The following ATP2B3 variants were observed in gnomAD, a reference collection of about 807,000 sequenced individuals.
The protein encoded by ATP2B3 is plasma membrane calcium-transporting ATPase 3.
ATP2B3 carries 12 observed loss-of-function variants against 70.8 expected under a neutral mutation model. The observed-to-expected ratio is 0.17, with a 90% CI of 0.11 to 0.27. ATP2B3 has a LOEUF of 0.27. ATP2B3 is among the 10% of genes least tolerant of loss of function. The pLI is 1.00. For synonymous variants in ATP2B3, 460 were observed against 497.8 expected, an observed-to-expected ratio of 0.92 and a Z score of 1.01; for missense variants, 858 against 1,118.5, an observed-to-expected ratio of 0.77 and a Z score of 3.32.
In ATP2B3 at chrX:153,517,843, C is replaced by G. The variant is rs1397764208; in HGVS notation, c.-279C>G. 2.7e-5 allele frequency: 3 copies of G among 109,527 alleles called. No individual in the cohort carries two copies. The highest frequency in any genetic ancestry group is 5.8e-5 in the Non-Finnish European group (3 of 51,940). 9.0% of individuals were successfully genotyped at this position (109,527 alleles called of 1,213,427 possible). On this transcript the variant is annotated 5_prime_UTR_variant, in exon 1 of 22. Transcript: ENST00000263519. Reference sequence around the variant, plus strand: ...CCGCAGCGACAGCGCCCGCCGGAGCCGAGGCCGCGGCGGCGGCCGTGCCCA... The same window carrying G: ...CCGCAGCGACAGCGCCCGCCGGAGCGGAGGCCGCGGCGGCGGCCGTGCCCA...
chrX:153,542,148 A>G (rs2090294288), intron 5 of ATP2B3, among the ~76,000 whole-genome samples, 175 bp from the exon 6 acceptor site: 1 of 72,887 alleles, frequency 1.4e-5, no homozygotes, highest in Middle Eastern at 6.8e-3. Context: ...AACTGTCCCC[A>G]CAGCCTCCAC....
intron 21 of ATP2B3, among the ~76,000 whole-genome samples, chrX:153,566,740 AC>A (rs1557018272): frequency 9.4e-6 from 1 of 106,877 alleles, no homozygotes; most frequent in Non-Finnish European, 1.9e-5. Context: ...GCACCCCTGC[AC>A]CCCCGGCTGC....
chrX:153,534,931 G>A (rs782544059), intron 2 of ATP2B3, among the ~76,000 whole-genome samples: 1 of 112,959 alleles, frequency 8.9e-6, no homozygotes, highest in African/African-American at 3.2e-5. Context: ...AGGGCTCTGG[G>A]CCACTCGTTT....
rs782293997 is a variant in ATP2B3, at chrX:153,556,005, C to T, written c.2059-44C>T. The T allele has an allele frequency of 1.4e-4, 163 of 1,204,962 alleles. 1 individual carries two copies. The South Asian group carries it at 2.5e-3, about 18-fold the overall frequency. On this transcript the variant is annotated intron_variant, in intron 13 of 21. Transcript: ENST00000263519. Reference sequence around the variant, plus strand: ...AGGGGTACTGCCTCAACCCAAAATACGTCTTGCCTCGATGGCCCCGCCCAC... The same window carrying T: ...AGGGGTACTGCCTCAACCCAAAATATGTCTTGCCTCGATGGCCCCGCCCAC...
intron 2 of ATP2B3, among the ~76,000 whole-genome samples, chrX:153,525,926 C>A (rs1327076883): frequency 8.8e-6 from 1 of 113,274 alleles, no homozygotes; most frequent in Non-Finnish European, 1.9e-5. Flanking sequence ...GCCCCAGACG[C>A]CTGCCCTGGT....
At chrX:153,542,706 G>A (rs1173730610) in intron 6 of ATP2B3, among the ~76,000 whole-genome samples, 2 of 113,451 alleles carry the variant, frequency 1.8e-5, no homozygotes, top group Non-Finnish European at 3.7e-5. Context: ...AAGCGGAGAG[G>A]CTTGCAGGGG....
At chrX:153,545,049 C>T (rs1041381030) in intron 7 of ATP2B3, among the ~76,000 whole-genome samples, 2 of 111,664 alleles carry the variant, frequency 1.8e-5, no homozygotes, top group African/African-American at 3.2e-5. Flanking sequence ...GAACCCTGGG[C>T]GGAGAGGGCC....
intron 21 of ATP2B3, among the ~76,000 whole-genome samples, chrX:153,578,486 G>A (rs1406317567): frequency 8.9e-6 from 1 of 112,947 alleles, no homozygotes; most frequent in Non-Finnish European, 1.9e-5. Flanking sequence ...AGCAGGAGGG[G>A]GCCCAGGCTG....
At position 153,517,833 on chromosome X, in the gene ATP2B3, CCGCCGGAGCCGAGGCCGCGGCGGCGGCCG is replaced by C. The variant is rs1556996628; in HGVS notation, c.-288_-260del. The C allele has an allele frequency of 9.1e-6, 1 of 109,572 alleles. No individual in the cohort carries two copies. The highest frequency in any genetic ancestry group is 3.3e-5 in the African/African-American group (1 of 30,651). The allele number at this position is 109,572 out of a possible 1,213,427, so 9.0% of individuals were successfully genotyped here. A position where few individuals can be genotyped will look rare whatever the true frequency, so the allele number is the denominator to read the frequency against. On this transcript the variant is annotated 5_prime_UTR_variant, in exon 1 of 22. Coordinates refer to ENST00000263519, the MANE Select transcript of ATP2B3 (RefSeq NM_001001344.3). Reference sequence around the variant, plus strand: ...TGACGCCCGCCCGCAGCGACAGCGCCCGCCGGAGCCGAGGCCGCGGCGGCGGCCGTGCCCATGCCCGGGTAAGTGGTGCT... The same window carrying C: ...TGACGCCCGCCCGCAGCGACAGCGCCTGCCCATGCCCGGGTAAGTGGTGCT...
chrX:153,550,070 C>T lies in ATP2B3; in HGVS notation c.1607C>T (p.Pro536Leu). Residue 536 changes from proline to leucine, a missense_variant, in exon 12 of 22, where the codon CCA becomes CTA. Pro to Leu is a moderately conservative substitution (Grantham distance 98). Around this residue, in one of 5 missense-constraint regions of ATP2B3, gnomAD observed 242 missense variants for 281.3 expected, o/e 0.86. Coordinates refer to ENST00000263519, the MANE Select transcript of ATP2B3 (RefSeq NM_001001344.3). Reference protein sequence around the residue: ...ILPPEKEGALPRQVGNKTECA... With the variant: ...ILPPEKEGALLRQVGNKTECA... ...CCTCCTGAGAAGGAAGGCGCCCTCC[C>T]ACGCCAGGTGGGCAATAAGACGGAG... is the stretch of plus-strand genomic sequence containing the variant. 8.3e-7 allele frequency: 1 copy of T among 1,211,570 alleles called. No homozygotes were observed. Among genetic ancestry groups the T allele is most frequent in the Non-Finnish European group, 1.1e-6 (1 of 894,857 alleles).
At position 153,536,549 on chromosome X, in the gene ATP2B3, T is replaced by C. The variant is rs111567170; in HGVS notation, c.208+94T>C. 7.1e-4 allele frequency: 692 copies of C among 973,811 alleles called. 7 individuals are homozygous for C. In the African/African-American group the frequency reaches 0.011, roughly 16 times the overall value. The allele number at this position is 973,811 out of a possible 1,213,427, so 80.3% of individuals were successfully genotyped here. A position where few individuals can be genotyped will look rare whatever the true frequency, so the allele number is the denominator to read the frequency against. Reference sequence around the variant, plus strand: ...TCCTTAGCCCCAAGGCTGGCCAGGGTCAAGGGCCACCTGTGCCCCTCCTCT... The same window carrying C: ...TCCTTAGCCCCAAGGCTGGCCAGGGCCAAGGGCCACCTGTGCCCCTCCTCT... On this transcript the variant is annotated intron_variant, in intron 3 of 21. Coordinates refer to ENST00000263519, the MANE Select transcript of ATP2B3 (RefSeq NM_001001344.3).
chrX:153,572,562 C>T (rs902201575), intron 21 of ATP2B3, among the ~76,000 whole-genome samples: 4 of 111,840 alleles, frequency 3.6e-5, no homozygotes, highest in Non-Finnish European at 5.7e-5. Context: ...CACTCGAGCC[C>T]TCCCCACCCT....
chrX:153,570,260 C>T (rs1449328486), intron 21 of ATP2B3, among the ~76,000 whole-genome samples: 16 of 112,508 alleles, frequency 1.4e-4, no homozygotes, highest in African/African-American at 1.6e-4. Flanking sequence ...ACTGGAGCGG[C>T]GCTTCCAGCA....
At chrX:153,545,338 C>T (rs1424070158) in intron 7 of ATP2B3, among the ~76,000 whole-genome samples, 1 of 112,970 alleles carries the variant, frequency 8.9e-6, no homozygotes, top group African/African-American at 3.2e-5. Context: ...CTGAAAGCGC[C>T]CCGCAGAGTC....
intron 7 of ATP2B3, among the ~76,000 whole-genome samples, chrX:153,545,376 A>G (rs2090349713): frequency 1.8e-5 from 2 of 112,830 alleles, no homozygotes; most frequent in Admixed American, 1.9e-4. Flanking sequence ...TGTCCCTTTA[A>G]AACACACACT....
rs2090903643 is a variant in ATP2B3 at position 153,580,062 on chromosome X, G to T, written c.3427G>T (p.Ala1143Ser). The T allele has an allele frequency of 8.3e-7, 1 of 1,210,193 alleles. No individual in the cohort carries two copies. Among genetic ancestry groups the T allele is most frequent in the African/African-American group, 1.8e-5 (1 of 57,119 alleles). ...CAAGACCTCCATTCACAACTTCATG[G>T]CCACGCCCGAGTTTCTGATCAATGA... ...ESKTSIHNFMATPEFLINDYT... is the reference protein window; with the variant it reads ...ESKTSIHNFMSTPEFLINDYT... The change falls in exon 22 of 22, where the codon GCC becomes TCC. Residue 1143 changes from alanine to serine, a missense_variant. Coordinates refer to ENST00000263519, the MANE Select transcript of ATP2B3 (RefSeq NM_001001344.3).
chrX:153,575,059 G>A (rs2090838525), intron 21 of ATP2B3: 1 of 225,752 alleles, frequency 4.4e-6, no homozygotes, highest in African/African-American at 2.9e-5. Flanking sequence ...GCTAAGTTCA[G>A]AGGAAGGAGA....
Position 153,533,838 on chromosome X carries a change from C to T in ATP2B3, c.-126-2284C>T, listed in dbSNP as rs567652111. ...CCTGGTATGGTTCTGTCTGGGCCAC[C>T]GCTGTGGGGTCAGGGGCAGGGACCG... On this transcript the variant is annotated intron_variant, in intron 2 of 21. Transcript: ENST00000263519. Among the ~76,000 whole-genome samples the T allele has an allele frequency of 6.6e-4, 74 of 111,410 alleles. No individual in the cohort carries two copies. The South Asian group carries it at 0.024, about 36-fold the overall frequency.
chrX:153,524,226 G>A (rs1309021438), intron 2 of ATP2B3, among the ~76,000 whole-genome samples: 5 of 106,281 alleles, frequency 4.7e-5, no homozygotes, highest in South Asian at 4.0e-4. Context: ...ATGTGTCTTC[G>A]TGTGTGTGTG....
Sources: gnomAD v4.1 joint callset for allele counts (sites outside exome capture counted in the v4.1 genomes callset) on GRCh38, gnomAD v4.1.1 for gene constraint, gnomAD v4.1.1 regional missense constraint, MANE v1.5 for transcripts, NCBI Gene and HGNC (gene_info 2026-07-23, HGNC 2026-07-21) for gene names.